AKT3: variants seen among roughly 807,000 people sequenced by gnomAD.
The protein encoded by AKT3 is RAC-gamma serine/threonine-protein kinase.
In AKT3, 15 loss-of-function variants were observed where a neutral mutation model predicts 65.3. The observed-to-expected ratio is 0.23, with a 90% confidence interval of 0.15 to 0.35. The LOEUF (loss-of-function observed/expected upper bound fraction) is 0.35. Ranked by LOEUF, AKT3 falls within the 10% of genes least tolerant of loss-of-function variation. AKT3 has a pLI of 1.00. For missense variants in AKT3, 243 were observed against 576.5 expected (o/e 0.42, Z 5.92); for synonymous variants, 206 against 183.8 (o/e 1.12, Z -0.98).
chr1:243,663,069 C>T (rs1682492462), intron 4 of AKT3, among the ~76,000 whole-genome samples: 1 of 152,160 alleles, frequency 6.6e-6, no homozygotes, highest in African/African-American at 2.4e-5. Context: ...ACCATTCATC[C>T]AGCCAGTCAA....
intron 8 of AKT3, among the ~76,000 whole-genome samples, chr1:243,580,589 C>G (rs1376580085): frequency 6.6e-6 from 1 of 152,098 alleles, no homozygotes; most frequent in African/African-American, 2.4e-5. Flanking sequence ...TGGAAAGTAC[C>G]CCAACAACAG....
At chr1:243,663,408 G>T (rs1270336601) in intron 4 of AKT3, among the ~76,000 whole-genome samples, 7 of 151,680 alleles carry the variant, frequency 4.6e-5, no homozygotes, top group Non-Finnish European at 8.8e-5. Flanking sequence ...AATTATCAAG[G>T]GAGAAAAGGC....
At chr1:243,822,579 TA>T (rs1185756272) in intron 2 of AKT3, among the ~76,000 whole-genome samples, 1 of 150,842 alleles carries the variant, frequency 6.6e-6, no homozygotes, top group Non-Finnish European at 1.5e-5. Context: ...ATAGATTCAA[TA>T]AAAAATGATA....
At chr1:243,584,200 C>G (rs1675627289) in intron 8 of AKT3, among the ~76,000 whole-genome samples, 1 of 151,966 alleles carries the variant, frequency 6.6e-6, no homozygotes, top group Non-Finnish European at 1.5e-5. Flanking sequence ...TACATACAAA[C>G]AAGAAAATCT....
intron 8 of AKT3, among the ~76,000 whole-genome samples, chr1:243,603,459 T>C (rs1048142579): frequency 1.3e-5 from 2 of 152,172 alleles, no homozygotes; most frequent in Non-Finnish European, 2.9e-5. Context: ...CTCCTTAGGC[T>C]TCTCTCTGCC....
intron 8 of AKT3, among the ~76,000 whole-genome samples, chr1:243,608,138 A>G (rs1677569948): frequency 6.6e-6 from 1 of 152,148 alleles, no homozygotes; most frequent in African/African-American, 2.4e-5. Context: ...AACCTAGACA[A>G]CATAGCCTAC....
chr1:243,728,898 G>GAGGAT (rs764919916), intron 2 of AKT3, among the ~76,000 whole-genome samples: 1 of 152,052 alleles, frequency 6.6e-6, no homozygotes, highest in Non-Finnish European at 1.5e-5. Flanking sequence ...GAGTCACATG[G>GAGGAT]CCCTCCAATA....
intron 3 of AKT3, among the ~76,000 whole-genome samples, chr1:243,665,758 C>G (rs1238047578): frequency 2.6e-5 from 4 of 152,124 alleles, no homozygotes; most frequent in Non-Finnish European, 5.9e-5. Context: ...TTTCAACAAA[C>G]ATTAACTATT....
rs74162293 is a variant in AKT3 at position 243,583,170 on chromosome 1, GTATATATATA to G, written c.697-10132_697-10123del. 6.7e-5 allele frequency among the ~76,000 whole-genome samples: 8 copies of G among 118,594 alleles called. 1 individual carries two copies. Among genetic ancestry groups the G allele is most frequent in the African/African-American group, 2.7e-4 (8 of 29,506 alleles). 77.8% of individuals were successfully genotyped at this position (118,594 alleles called of 152,430 possible). On this transcript the variant is annotated intron_variant, in intron 8 of 13. Transcript: ENST00000673466. ...CTCTCTCTTCCATGTATATGTGTGT[GTATATATATA>G]TATATATATATATATACACACACAC... is the stretch of plus-strand genomic sequence containing the variant.
intron 2 of AKT3, among the ~76,000 whole-genome samples, chr1:243,723,442 A>T (rs933790257): frequency 4.6e-5 from 7 of 152,206 alleles, no homozygotes; most frequent in Non-Finnish European, 7.3e-5. Flanking sequence ...AGATCTAAGA[A>T]TGCAAGTTAA....
intron 8 of AKT3, among the ~76,000 whole-genome samples, chr1:243,608,400 T>C (rs1266290562): frequency 6.6e-6 from 1 of 152,224 alleles, no homozygotes; most frequent in East Asian, 1.9e-4. Flanking sequence ...TAATTAAAAA[T>C]CAGTGAACAA....
chr1:243,824,522 A>G (rs1371559309), intron 2 of AKT3, among the ~76,000 whole-genome samples: 1 of 152,206 alleles, frequency 6.6e-6, no homozygotes, highest in Non-Finnish European at 1.5e-5. Flanking sequence ...CAAAGGGCTA[A>G]TATTCAGAAT....
At chr1:243,697,058 C>A (rs1685103217) in intron 2 of AKT3, among the ~76,000 whole-genome samples, 1 of 151,894 alleles carries the variant, frequency 6.6e-6, no homozygotes, top group Non-Finnish European at 1.5e-5. Flanking sequence ...CTCTTTATAT[C>A]CTTAAATATT....
intron 7 of AKT3, 83 bp downstream of exon 7, chr1:243,615,013 T>C: frequency 3.0e-6 from 3 of 995,456 alleles, no homozygotes; most frequent in Non-Finnish European, 4.6e-6. Flanking sequence ...AAATGAATAG[T>C]ATTTTTCACA....
At chr1:243,809,168 T>C (rs1692954859) in intron 2 of AKT3, among the ~76,000 whole-genome samples, 1 of 152,126 alleles carries the variant, frequency 6.6e-6, no homozygotes, top group African/African-American at 2.4e-5. Context: ...CAGGATCAAA[T>C]TCACACACAA....
chr1:243,660,122 C>T (rs565133923), intron 4 of AKT3, among the ~76,000 whole-genome samples: 2 of 151,942 alleles, frequency 1.3e-5, no homozygotes, highest in African/African-American at 4.8e-5. Flanking sequence ...GACTCTTTTT[C>T]GTTGGTAAGC....
At chr1:243,524,656 G>A (rs1670931084) in intron 12 of AKT3, among the ~76,000 whole-genome samples, 1 of 152,202 alleles carries the variant, frequency 6.6e-6, no homozygotes, top group African/African-American at 2.4e-5. Flanking sequence ...TTCCTTGCAT[G>A]AATACAAAAC....
intron 2 of AKT3, among the ~76,000 whole-genome samples, chr1:243,747,791 G>A (rs1468941921): frequency 6.6e-6 from 1 of 152,164 alleles, no homozygotes; most frequent in Non-Finnish European, 1.5e-5. Flanking sequence ...AGGGATAAAT[G>A]TAAGACAGTT....
intron 2 of AKT3, among the ~76,000 whole-genome samples, chr1:243,816,873 T>C (rs1693557647): frequency 6.6e-6 from 1 of 152,214 alleles, no homozygotes; most frequent in Admixed American, 6.5e-5. Context: ...CAGGAGGCCA[T>C]AAATTCCTTA....
Sources: gnomAD v4.1 joint callset for allele counts (sites outside exome capture counted in the v4.1 genomes callset) on GRCh38, gnomAD v4.1.1 for gene constraint, MANE v1.5 for transcripts, NCBI Gene and HGNC (gene_info 2026-07-23, HGNC 2026-07-21) for gene names.